Variants in KCNH1 observed in about 807,000 individuals in gnomAD.
The protein encoded by KCNH1 is voltage-gated delayed rectifier potassium channel KCNH1.
Under a neutral mutation model 69.2 loss-of-function variants are expected in KCNH1, and 27 were observed. The ratio of observed to expected loss-of-function variants is 0.39; its 90% CI spans 0.29 to 0.54. The LOEUF is 0.54. Among genes scored for constraint, KCNH1 ranks in the 20% least tolerant of loss-of-function variants. The probability of loss-of-function intolerance (pLI) is 0.68; values close to 1 mark genes in which losing one functional copy is unlikely to be tolerated. For missense variants in KCNH1, 798 were observed against 1,261.6 expected, an observed-to-expected ratio of 0.63 and a Z score of 5.57; for synonymous variants, 456 against 487.7, an observed-to-expected ratio of 0.93 and a Z score of 0.86.
At chr1:211,072,396 T>C (rs1220065474) in intron 5 of KCNH1, among the ~76,000 whole-genome samples, 1 of 152,076 alleles carries the variant, frequency 6.6e-6, no homozygotes, top group Non-Finnish European at 1.5e-5. Flanking sequence ...ATGATATAGG[T>C]CAGACACTCA....
chr1:211,047,973 G>GA (rs1172795793), intron 5 of KCNH1, among the ~76,000 whole-genome samples: 1 of 151,686 alleles, frequency 6.6e-6, no homozygotes, highest in South Asian at 2.1e-4. Context: ...CAAAAAATGT[G>GA]AAAAAAATGA....
intron 3 of KCNH1, among the ~76,000 whole-genome samples, chr1:211,092,859 T>C (rs1175969631): frequency 6.6e-6 from 1 of 151,944 alleles, no homozygotes; most frequent in Non-Finnish European, 1.5e-5. Context: ...AATTTCAGCA[T>C]TTTTTCAGAT....
intron 9 of KCNH1, among the ~76,000 whole-genome samples, chr1:210,795,286 A>G (rs918483033): frequency 4.6e-5 from 7 of 152,246 alleles, no homozygotes; most frequent in Admixed American, 3.3e-4. Flanking sequence ...AGCTGGGACC[A>G]CAAGCATATA....
intron 10 of KCNH1, among the ~76,000 whole-genome samples, chr1:210,751,968 G>A (rs1683293271): frequency 6.6e-6 from 1 of 152,114 alleles, no homozygotes; most frequent in African/African-American, 2.4e-5. Flanking sequence ...GCTGCAAGCA[G>A]AAAACAGAAT....
intron 6 of KCNH1, among the ~76,000 whole-genome samples, chr1:211,006,070 G>A (rs368920262): frequency 6.6e-6 from 1 of 152,082 alleles, no homozygotes. Context: ...CATTGGATTA[G>A]GTAGAATTAA....
At chr1:210,991,218 T>C (rs555146007) in intron 6 of KCNH1, among the ~76,000 whole-genome samples, 1 of 152,268 alleles carries the variant, frequency 6.6e-6, no homozygotes, top group East Asian at 1.9e-4. Context: ...GTGTCCATGG[T>C]TGGATGAATG....
chr1:210,969,663 A>G (rs770142947), intron 6 of KCNH1, among the ~76,000 whole-genome samples: 44 of 152,252 alleles, frequency 2.9e-4, no homozygotes, highest in Non-Finnish European at 5.6e-4. Flanking sequence ...CCTTCTCACC[A>G]AAGTTTTATC....
intron 10 of KCNH1, among the ~76,000 whole-genome samples, chr1:210,710,781 T>G (rs1682053916): frequency 7.7e-6 from 1 of 129,294 alleles, no homozygotes; most frequent in Admixed American, 7.4e-5. Flanking sequence ...GCACAGACTC[T>G]GTGCTCAAAT....
chr1:210,995,363 C>T (rs1196410979), intron 6 of KCNH1, among the ~76,000 whole-genome samples: 1 of 152,160 alleles, frequency 6.6e-6, no homozygotes, highest in East Asian at 1.9e-4. Context: ...CCCAGATAAA[C>T]TTAAGCCACT....
chr1:211,021,887 A>G (rs1245173146), intron 5 of KCNH1, among the ~76,000 whole-genome samples: 2 of 152,144 alleles, frequency 1.3e-5, no homozygotes, highest in Non-Finnish European at 2.9e-5. Flanking sequence ...TATTATTACA[A>G]TGTGCAATTA....
At chr1:210,831,685 C>A (rs1395869868) in intron 7 of KCNH1, among the ~76,000 whole-genome samples, 1 of 152,092 alleles carries the variant, frequency 6.6e-6, no homozygotes, top group Non-Finnish European at 1.5e-5. Flanking sequence ...CCCTCTTAGA[C>A]AGCCTTCTAA....
At chr1:210,844,483 T>A (rs1685494983) in intron 7 of KCNH1, among the ~76,000 whole-genome samples, 1 of 152,164 alleles carries the variant, frequency 6.6e-6, no homozygotes, top group African/African-American at 2.4e-5. Context: ...GACTACTGGG[T>A]ATATAATGAA....
chr1:210,769,351 G>T (rs1339609458), intron 10 of KCNH1, among the ~76,000 whole-genome samples: 2 of 152,196 alleles, frequency 1.3e-5, no homozygotes, highest in African/African-American at 4.8e-5. Flanking sequence ...TTTGGTTAAA[G>T]TGGGCTAGAA....
At position 210,688,599 on chromosome 1, in the gene KCNH1, G is replaced by C. The variant is rs1383169704; in HGVS notation, c.2113-4461C>G. Among the ~76,000 whole-genome samples the C allele has an allele frequency of 2.0e-5, 3 of 152,092 alleles. No individual in the cohort carries two copies. The East Asian group carries it at 5.8e-4, about 29-fold the overall frequency. Reference sequence around the variant, plus strand: ...ATGGTGTGAAAATAAAACCCTAAAGGACTTCCATTTTTCACTCATCCTCAT... The same window carrying C: ...ATGGTGTGAAAATAAAACCCTAAAGCACTTCCATTTTTCACTCATCCTCAT... On this transcript the variant is annotated intron_variant, in intron 10 of 10. Transcript: ENST00000271751.
chr1:210,840,281 AC>A (rs1467549799), intron 7 of KCNH1, among the ~76,000 whole-genome samples: 2 of 152,166 alleles, frequency 1.3e-5, no homozygotes, highest in African/African-American at 4.8e-5. Flanking sequence ...CTAAAACAAA[AC>A]AAAACAAAAA....
chr1:211,107,544 T>C (rs1391793551), intron 1 of KCNH1, among the ~76,000 whole-genome samples, 167 bp from the exon 2 acceptor site: 1 of 152,156 alleles, frequency 6.6e-6, no homozygotes, highest in African/African-American at 2.4e-5. Context: ...AACAACATTG[T>C]TTTAGAAGTG....
At chr1:210,954,521 A>G (rs934511912) in intron 6 of KCNH1, among the ~76,000 whole-genome samples, 27 of 152,306 alleles carry the variant, frequency 1.8e-4, no homozygotes, top group African/African-American at 6.5e-4. Flanking sequence ...ACTCCCACCA[A>G]CAGTGTAAAA....
intron 10 of KCNH1, among the ~76,000 whole-genome samples, chr1:210,689,087 C>T (rs1435884999): frequency 1.3e-5 from 2 of 152,216 alleles, no homozygotes; most frequent in Non-Finnish European, 2.9e-5. Context: ...GTGCCTTGCT[C>T]ATCCAACTTG....
chr1:210,733,272 C>CTCCTT (rs1291265377), intron 10 of KCNH1, among the ~76,000 whole-genome samples: 2 of 152,038 alleles, frequency 1.3e-5, no homozygotes, highest in East Asian at 3.9e-4. Flanking sequence ...TTGGAAAATG[C>CTCCTT]TCTGACTTGA....
Sources: gnomAD v4.1 joint callset for allele counts (sites outside exome capture counted in the v4.1 genomes callset) on GRCh38, gnomAD v4.1.1 for gene constraint, MANE v1.5 for transcripts, NCBI Gene and HGNC (gene_info 2026-07-23, HGNC 2026-07-21) for gene names.